The following JAKMIP2 variants were observed in gnomAD, a reference collection of about 807,000 sequenced individuals.
JAKMIP2 encodes the protein janus kinase and microtubule-interacting protein 2.
JAKMIP2 carries 25 observed loss-of-function variants against 115.0 expected under a neutral mutation model. The ratio of observed to expected loss-of-function variants is 0.22; its 90% CI spans 0.16 to 0.30. JAKMIP2 has a LOEUF of 0.30. Among genes scored for constraint, JAKMIP2 ranks in the 10% least tolerant of loss-of-function variants. JAKMIP2 has a pLI of 1.00. For missense variants in JAKMIP2, 642 were observed against 957.6 expected, an observed-to-expected ratio of 0.67 and a Z score of 4.35; for synonymous variants, 334 against 343.6, an observed-to-expected ratio of 0.97 and a Z score of 0.31.
At chr5:147,780,818 A>C (rs1316616461) in intron 1 of JAKMIP2, among the ~76,000 whole-genome samples, 1 of 152,212 alleles carries the variant, frequency 6.6e-6, no homozygotes, top group Non-Finnish European at 1.5e-5. Context: ...TAAAGACCCA[A>C]ACAATTGTTA....
intron 2 of JAKMIP2, among the ~76,000 whole-genome samples, chr5:147,665,138 C>T (rs966630753): frequency 1.3e-5 from 2 of 152,164 alleles, no homozygotes; most frequent in Non-Finnish European, 2.9e-5. Context: ...AACTACCACC[C>T]ATGAGCCAAA....
In JAKMIP2 at chr5:147,585,720, C is replaced by T. The variant is rs1754840523; in HGVS notation, c.*5987G>A. On this transcript the variant is annotated 3_prime_UTR_variant, in exon 22 of 22. Transcript: ENST00000616793. The stretch of plus-strand genomic sequence containing the variant: ...GCTAATGAGATGGAAAGAAAGAACC[C>T]CAATTGAGGCAGTTGATTGAATGAA... The T allele has an allele frequency of 6.6e-6, 1 of 151,974 alleles. No homozygotes were observed. Among genetic ancestry groups the T allele is most frequent in the Non-Finnish European group, 1.5e-5 (1 of 67,994 alleles). 9.4% of individuals were successfully genotyped at this position (151,974 alleles called of 1,614,324 possible).
At chr5:147,729,960 AG>A (rs1753667317) in intron 1 of JAKMIP2, among the ~76,000 whole-genome samples, 1 of 152,120 alleles carries the variant, frequency 6.6e-6, no homozygotes, top group African/African-American at 2.4e-5. Flanking sequence ...AAGACCATAG[AG>A]GTTGTTTAAC....
intron 1 of JAKMIP2, among the ~76,000 whole-genome samples, chr5:147,678,688 A>G (rs1470983394): frequency 6.6e-6 from 1 of 152,162 alleles, no homozygotes; most frequent in East Asian, 1.9e-4. Flanking sequence ...ACTGAGTTGC[A>G]ACTCAGAGGA....
intron 21 of JAKMIP2, among the ~76,000 whole-genome samples, chr5:147,600,775 C>G (rs1755653675): frequency 6.6e-6 from 1 of 152,030 alleles, no homozygotes; most frequent in Non-Finnish European, 1.5e-5. Context: ...GCTTAAAAAT[C>G]TATATTTTTA....
At chr5:147,608,298 C>A (rs190192831) in intron 20 of JAKMIP2, among the ~76,000 whole-genome samples, 2 of 152,240 alleles carry the variant, frequency 1.3e-5, no homozygotes, top group East Asian at 3.9e-4. Context: ...CCCACTTTCT[C>A]CTGTGGGGAT....
intron 1 of JAKMIP2, among the ~76,000 whole-genome samples, chr5:147,715,562 AC>A (rs1360935645): frequency 1.3e-5 from 2 of 151,598 alleles, no homozygotes; most frequent in Non-Finnish European, 2.9e-5. Context: ...TTTTACTAGA[AC>A]AAATAGGATA....
At chr5:147,651,580 C>CA (rs11417821) in intron 3 of JAKMIP2, among the ~76,000 whole-genome samples, 51,847 of 151,820 alleles carry the variant, frequency 0.34, 10,013 homozygotes, top group East Asian at 0.58. Flanking sequence ...TTATACAAAA[C>CA]AATACTTTTG....
chr5:147,646,630 T>C (rs1268164768), intron 5 of JAKMIP2, among the ~76,000 whole-genome samples: 1 of 151,824 alleles, frequency 6.6e-6, no homozygotes, highest in African/African-American at 2.4e-5. Context: ...TATATGTATG[T>C]GTAAATATGT....
At chr5:147,635,331 T>C (rs1487774398) in intron 12 of JAKMIP2, among the ~76,000 whole-genome samples, 1 of 152,214 alleles carries the variant, frequency 6.6e-6, no homozygotes, top group Non-Finnish European at 1.5e-5. Flanking sequence ...AAGCCATGTT[T>C]TTGTTTCTTA....
At chr5:147,616,384 A>G (rs1338879373) in intron 19 of JAKMIP2, among the ~76,000 whole-genome samples, 1 of 152,242 alleles carries the variant, frequency 6.6e-6, no homozygotes, top group Non-Finnish European at 1.5e-5. Flanking sequence ...TCAGAAATGT[A>G]CTATCAGCAC....
At chr5:147,659,306 A>G (rs886869802) in intron 3 of JAKMIP2, among the ~76,000 whole-genome samples, 1 of 152,090 alleles carries the variant, frequency 6.6e-6, no homozygotes, top group Non-Finnish European at 1.5e-5. Flanking sequence ...GGCTGCGTGC[A>G]CTTCCCACAT....
chr5:147,778,501 C>T (rs1424432287), intron 1 of JAKMIP2, among the ~76,000 whole-genome samples: 1 of 152,024 alleles, frequency 6.6e-6, no homozygotes, highest in Non-Finnish European at 1.5e-5. Flanking sequence ...TACCTTTCTA[C>T]TGTTGTAGTT....
intron 20 of JAKMIP2, among the ~76,000 whole-genome samples, chr5:147,609,731 A>G (rs1756214733): frequency 6.6e-6 from 1 of 152,124 alleles, no homozygotes; most frequent in Admixed American, 6.5e-5. Flanking sequence ...CTGTCTTGCT[A>G]GATTGGGGAA....
chr5:147,693,870 G>C (rs964143195), intron 1 of JAKMIP2, among the ~76,000 whole-genome samples: 4 of 152,124 alleles, frequency 2.6e-5, no homozygotes, highest in Admixed American at 6.6e-5. Context: ...CAAATAAATA[G>C]AATTTCATAA....
In JAKMIP2 at chr5:147,587,218, T is replaced by G. The variant is rs748240850; in HGVS notation, c.*4489A>C. On this transcript the variant is annotated 3_prime_UTR_variant, in exon 22 of 22. Coordinates refer to ENST00000616793, the MANE Select transcript of JAKMIP2 (RefSeq NM_001270941.2). ...CATAAACTCATGACATAAACAGTCA[T>G]CTAAGATTTGCTTTGAATGTTTATC... 1 of 152,192 alleles carries G rather than the reference T, an allele frequency of 6.6e-6. No homozygotes were observed. Among genetic ancestry groups the G allele is most frequent in the African/African-American group, 2.4e-5 (1 of 41,462 alleles). The allele number at this position is 152,192 out of a possible 1,614,324, so 9.4% of individuals were successfully genotyped here.
rs537032498 is a variant in JAKMIP2, at chr5:147,702,886, A to T, written c.-148-30932T>A. ...GCAAACTGCAAAAGAAAGACTCCTC[A>T]TAAATATACTTGGGAAACTCTGCAA... On this transcript the variant is annotated intron_variant, in intron 1 of 21. Transcript: ENST00000616793. 4.6e-5 allele frequency among the ~76,000 whole-genome samples: 7 copies of T among 152,292 alleles called. 1 individual carries two copies. The highest frequency in any genetic ancestry group is 1.7e-4 in the African/African-American group (7 of 41,572).
At chr5:147,639,808 T>G in intron 9 of JAKMIP2, 48 bp from the exon 10 acceptor site, 2 of 1,589,652 alleles carry the variant, frequency 1.3e-6, no homozygotes, top group South Asian at 2.3e-5. Flanking sequence ...TATGTTCAGG[T>G]CCTGTTTTCA....
At chr5:147,773,907 A>C (rs1207981413) in intron 1 of JAKMIP2, among the ~76,000 whole-genome samples, 1 of 152,148 alleles carries the variant, frequency 6.6e-6, no homozygotes, top group Non-Finnish European at 1.5e-5. Context: ...CTTCTATGTG[A>C]AATTGATTGG....
Sources: gnomAD v4.1 joint callset for allele counts (sites outside exome capture counted in the v4.1 genomes callset) on GRCh38, gnomAD v4.1.1 for gene constraint, MANE v1.5 for transcripts, NCBI Gene and HGNC (gene_info 2026-07-23, HGNC 2026-07-21) for gene names.